Variants in RTF2 observed in about 807,000 individuals in gnomAD.
RTF2 encodes the protein UPF0549 protein C20orf43.
A neutral mutation model predicts 38.0 loss-of-function variants in RTF2; 18 were observed. The observed-to-expected ratio is 0.47, with a 90% CI of 0.33 to 0.70. The LOEUF (loss-of-function observed/expected upper bound fraction) is 0.70, where lower values mean the gene tolerates loss of function less well. Among genes scored for constraint, RTF2 ranks in the 30% least tolerant of loss-of-function variants. The probability of loss-of-function intolerance (pLI) is 0.02; values close to 1 mark genes in which losing one functional copy is unlikely to be tolerated. For synonymous variants in RTF2, 126 were observed against 137.1 expected (o/e 0.92, Z 0.57); for missense variants, 311 against 379.6 (o/e 0.82, Z 1.50).
At position 56,476,984 on chromosome 20, in the gene RTF2, G is replaced by C. The variant is rs747692880; in HGVS notation, c.259-1G>C. The C allele has an allele frequency of 1.2e-6, 2 of 1,613,816 alleles. No individual in the cohort carries two copies. Among genetic ancestry groups the C allele is most frequent in the Non-Finnish European group, 1.7e-6 (2 of 1,179,830 alleles). On this transcript the variant is annotated splice_acceptor_variant, in intron 3 of 8. Transcript: ENST00000357348. LOFTEE classifies it high-confidence loss of function. The stretch of plus-strand genomic sequence containing the variant: ...GTTAAAATATTAATGGTTTTTCCCA[G>C]AATGTGACAGAGCTGAAGCTTTCTG...
At chr20:56,497,964 TTA>T (rs1392658629) in intron 5 of RTF2, among the ~76,000 whole-genome samples, 3 of 152,250 alleles carry the variant, frequency 2.0e-5, no homozygotes, top group African/African-American at 7.2e-5. Context: ...TAGCCATTTA[TTA>T]TATAGCCTCT....
In RTF2 at chr20:56,484,359, C is replaced by G. The variant is rs558596821; in HGVS notation, c.477+170C>G. 4.1e-3 allele frequency among the ~76,000 whole-genome samples: 632 copies of G among 152,334 alleles called. 4 individuals are homozygous for G. The highest frequency in any genetic ancestry group is 0.014 in the African/African-American group (590 of 41,566). On this transcript the variant is annotated intron_variant, in intron 5 of 8. Transcript: ENST00000357348. ...GCAGAATCCACTGGCCTCTTGTCAC[C>G]TGACCACTGCCTGCCAGTCCAGGTC...
intron 5 of RTF2, among the ~76,000 whole-genome samples, chr20:56,498,751 G>A (rs1983724743): frequency 6.6e-6 from 1 of 152,140 alleles, no homozygotes; most frequent in Non-Finnish European, 1.5e-5. Flanking sequence ...TTGTTAGAAA[G>A]TATTTGTTTT....
chr20:56,513,446 G>C lies in RTF2; in HGVS notation c.591+18G>C. ...TGGAAAAGGTAATGGGAGTCTTCAG[G>C]TTCCGCCCAGCCCCCATCTCTGCTC... On this transcript the variant is annotated intron_variant, in intron 6 of 8. Transcript: ENST00000357348. 1 of 1,564,006 alleles carries C rather than the reference G, an allele frequency of 6.4e-7. No individual in the cohort carries two copies. The highest frequency in any genetic ancestry group is 8.7e-7 in the Non-Finnish European group (1 of 1,154,808).
chr20:56,496,796 A>C, intron 5 of RTF2: 1 of 1,552,132 alleles, frequency 6.4e-7, no homozygotes, highest in Non-Finnish European at 8.7e-7. Context: ...TGGTTAAGTT[A>C]TGGGGTGGTT....
Position 56,482,832 on chromosome 20 carries a change from G to A in RTF2, c.399-1279G>A, listed in dbSNP as rs367620794. On this transcript the variant is annotated intron_variant, in intron 4 of 8. Transcript: ENST00000357348. ...GTGCTTTATGCTGCTCTCCAGCCGC[G>A]GTGGAGGCATTATTCGTTGTTTGAT... 5.3e-5 allele frequency among the ~76,000 whole-genome samples: 8 copies of A among 152,176 alleles called. 1 individual carries two copies. Among genetic ancestry groups the A allele is most frequent in the East Asian group, 1.9e-4 (1 of 5,182 alleles).
intron 5 of RTF2, chr20:56,495,326 T>C: frequency 6.7e-7 from 1 of 1,484,488 alleles, no homozygotes; most frequent in East Asian, 2.5e-5. Flanking sequence ...CAGCATTCAG[T>C]GTGGAATCTG....
At chr20:56,513,034 G>A (rs564884304) in intron 5 of RTF2, among the ~76,000 whole-genome samples, 20 of 152,294 alleles carry the variant, frequency 1.3e-4, no homozygotes, top group African/African-American at 4.8e-4. Flanking sequence ...GGTGAGCCAA[G>A]CTACTCTTGT....
rs767249762 is a variant in RTF2 at position 56,477,154 on chromosome 20, G to A, written c.398+30G>A. On this transcript the variant is annotated intron_variant, in intron 4 of 8. Transcript: ENST00000357348. The stretch of plus-strand genomic sequence containing the variant: ...GTGACGGACCTGGGACAGATGATGT[G>A]GGAGGCTGGAGGAATACTGCCGGTT... 6 of 1,609,504 alleles carry A rather than the reference G, an allele frequency of 3.7e-6. No homozygotes were observed. The South Asian group carries it at 6.6e-5, about 18-fold the overall frequency.
intron 4 of RTF2, 75 bp from the exon 5 acceptor site, chr20:56,484,036 C>T (rs1982655304): frequency 7.8e-7 from 1 of 1,286,040 alleles, no homozygotes; most frequent in South Asian, 1.2e-5. Flanking sequence ...GGTTCTTGGC[C>T]TTTGTATCAA....
intron 8 of RTF2, among the ~76,000 whole-genome samples, chr20:56,517,773 T>C (rs1004856449): frequency 6.6e-6 from 1 of 152,176 alleles, no homozygotes; most frequent in African/African-American, 2.4e-5. Flanking sequence ...CCATCCCGGC[T>C]CTACATGGGA....
At chr20:56,494,125 C>T (rs1983352600) in intron 5 of RTF2, among the ~76,000 whole-genome samples, 1 of 152,150 alleles carries the variant, frequency 6.6e-6, no homozygotes, top group Non-Finnish European at 1.5e-5. Context: ...TTACCACCTC[C>T]CTACACACCA....
intron 5 of RTF2, chr20:56,491,573 A>G (rs755340714): frequency 2.4e-5 from 37 of 1,548,414 alleles, no homozygotes; most frequent in Admixed American, 2.2e-4. Context: ...GTTCAGTCTC[A>G]TATTGAAATG....
intron 4 of RTF2, among the ~76,000 whole-genome samples, chr20:56,483,875 C>T (rs1414159408): frequency 6.6e-6 from 1 of 152,036 alleles, no homozygotes; most frequent in African/African-American, 2.4e-5. Flanking sequence ...CCCTGAGTTC[C>T]TGTTCTTTTG....
At chr20:56,511,729 C>G (rs996607305) in intron 5 of RTF2, among the ~76,000 whole-genome samples, 3 of 152,148 alleles carry the variant, frequency 2.0e-5, no homozygotes, top group African/African-American at 7.2e-5. Context: ...GATGTGACAG[C>G]TAAAAATGTC....
chr20:56,515,744 G>A (rs138077083), intron 6 of RTF2: 1 of 151,694 alleles, frequency 6.6e-6, no homozygotes, highest in African/African-American at 2.4e-5. Context: ...TATTCCCTTT[G>A]ACCATTTTGC....
chr20:56,497,327 C>T (rs1240505178), intron 5 of RTF2: 3 of 1,550,162 alleles, frequency 1.9e-6, no homozygotes, highest in Non-Finnish European at 2.6e-6. Flanking sequence ...TGAAATGCAG[C>T]CCCCGAGAAA....
chr20:56,473,242 A>C (rs1982062587), intron 1 of RTF2, 59 bp from the exon 2 acceptor site: 2 of 1,233,752 alleles, frequency 1.6e-6, no homozygotes, highest in Admixed American at 1.7e-5. Flanking sequence ...TATATGTAGA[A>C]TTGTGAACCA....
At chr20:56,487,088 T>C (rs952774188) in intron 5 of RTF2, among the ~76,000 whole-genome samples, 1 of 152,100 alleles carries the variant, frequency 6.6e-6, no homozygotes, top group African/African-American at 2.4e-5. Context: ...AGCAATCCAG[T>C]TTTTTCTTAC....
Sources: allele counts gnomAD v4.1 joint callset (sites outside exome capture counted in the v4.1 genomes callset), GRCh38; gene constraint gnomAD v4.1.1; transcripts MANE v1.5; gene names NCBI Gene and HGNC (gene_info 2026-07-23, HGNC 2026-07-21).